TP63: variants seen among roughly 807,000 people sequenced by gnomAD.
TP63 encodes the protein tumor protein 63.
Under a neutral mutation model 82.8 loss-of-function variants are expected in TP63, and 17 were observed. The observed-to-expected ratio is 0.21, with a 90% CI of 0.14 to 0.31. TP63 has a LOEUF of 0.31. Ranked by LOEUF, TP63 falls within the 10% of genes least tolerant of loss-of-function variation. TP63 has a pLI of 1.00. For missense variants in TP63, 648 were observed against 895.3 expected (o/e 0.72, Z 3.52); for synonymous variants, 330 against 321.7 (o/e 1.03, Z -0.28).
the TP63 span, among the ~76,000 whole-genome samples, chr3:189,604,185 C>G: frequency 4.9e-4 from 74 of 152,272 alleles, no homozygotes; most frequent in Non-Finnish European, 7.1e-4. Context: ...ACTCCCACCT[C>G]GGAACCTTTA....
At chr3:189,886,636 A>T in intron 11 of TP63, 85 bp downstream of exon 11, 1 of 1,575,940 alleles carries the variant, frequency 6.3e-7, no homozygotes. Flanking sequence ...GCATGTTCTT[A>T]AGCTAAATGA....
intron 3 of TP63, among the ~76,000 whole-genome samples, chr3:189,764,232 T>C (rs1722778169): frequency 2.0e-5 from 3 of 152,206 alleles, no homozygotes; most frequent in South Asian, 4.1e-4. Context: ...ACATGCTATT[T>C]CTTGGAGTAA....
chr3:189,875,601 T>TATATATATATATATATAC (rs1718985750), intron 10 of TP63, among the ~76,000 whole-genome samples: 1 of 46,554 alleles, frequency 2.1e-5, no homozygotes, highest in African/African-American at 7.3e-5. Context: ...TACATATATA[T>TATATATATATATATATAC]ATATATATAT....
chr3:189,870,342 C>G (rs1410977235), intron 9 of TP63, among the ~76,000 whole-genome samples: 7 of 152,096 alleles, frequency 4.6e-5, no homozygotes, highest in African/African-American at 1.7e-4. Flanking sequence ...ATACACCAAT[C>G]AAAATAATAC....
intron 3 of TP63, among the ~76,000 whole-genome samples, chr3:189,762,566 G>A: frequency 1.3e-5 from 2 of 152,284 alleles, no homozygotes; most frequent in South Asian, 2.1e-4. Flanking sequence ...CATTTAAAAA[G>A]TTAAAAGGTA....
At chr3:189,855,636 T>A (rs1317835621) in intron 4 of TP63, among the ~76,000 whole-genome samples, 2 of 152,080 alleles carry the variant, frequency 1.3e-5, no homozygotes, top group Non-Finnish European at 2.9e-5. Flanking sequence ...AACATGCTCA[T>A]GATATATTAA....
chr3:189,843,877 A>G lies in TP63; in HGVS notation c.580-20355A>G, dbSNP rs1003435778. On this transcript the variant is annotated intron_variant, in intron 4 of 13. Transcript: ENST00000264731. ...CTTTGTTTCCATGATTCACTGGGCA[A>G]TATTTACTGCCCCATTATACACATG... is the stretch of plus-strand genomic sequence containing the variant. Among the ~76,000 whole-genome samples, 4 of 152,192 alleles carry G rather than the reference A, an allele frequency of 2.6e-5. No individual in the cohort carries two copies. In the South Asian group the frequency reaches 6.2e-4, roughly 24 times the overall value.
intron 4 of TP63, among the ~76,000 whole-genome samples, chr3:189,820,799 C>T (rs1237553576): frequency 2.6e-5 from 4 of 152,228 alleles, no homozygotes; most frequent in African/African-American, 7.2e-5. Context: ...ACAATCTTCA[C>T]GTCCTTGATT....
At chr3:189,704,000 G>T (rs148679586) in intron 1 of TP63, among the ~76,000 whole-genome samples, 3,987 of 152,320 alleles carry the variant, frequency 0.026, 71 homozygotes, top group Non-Finnish European at 0.041. Flanking sequence ...ACTTCAGTGT[G>T]AATTAAGGAC....
At chr3:189,892,800 A>G (rs138230390) in intron 13 of TP63, among the ~76,000 whole-genome samples, 9 of 152,344 alleles carry the variant, frequency 5.9e-5, no homozygotes, top group Non-Finnish European at 1.2e-4. Flanking sequence ...TCAAAAAATA[A>G]TAAAAAAAGC....
the TP63 span, among the ~76,000 whole-genome samples, chr3:189,601,335 C>T: frequency 2.0e-5 from 3 of 152,096 alleles, no homozygotes; most frequent in Non-Finnish European, 4.4e-5. Context: ...CCACATCTAG[C>T]GTTCAGAGAG....
At chr3:189,825,954 C>A (rs559733525) in intron 4 of TP63, among the ~76,000 whole-genome samples, 1 of 152,152 alleles carries the variant, frequency 6.6e-6, no homozygotes, top group Admixed American at 6.5e-5. Flanking sequence ...CTCTCTCTCC[C>A]CCACTTGCTT....
At chr3:189,669,406 A>C (rs1174405752) in intron 1 of TP63, among the ~76,000 whole-genome samples, 1 of 152,082 alleles carries the variant, frequency 6.6e-6, no homozygotes, top group Non-Finnish European at 1.5e-5. Flanking sequence ...CTAAAAGGAA[A>C]TTATACCAGA....
chr3:189,658,398 G>A (rs1713577975), intron 1 of TP63, among the ~76,000 whole-genome samples: 1 of 151,892 alleles, frequency 6.6e-6, no homozygotes, highest in Admixed American at 6.6e-5. Flanking sequence ...GCTGCATGTA[G>A]TACTTCCAAC....
intron 1 of TP63, among the ~76,000 whole-genome samples, chr3:189,647,965 A>G (rs1469381194): frequency 7.5e-6 from 1 of 134,080 alleles, no homozygotes; most frequent in Non-Finnish European, 1.6e-5. Context: ...TTTCGTAACT[A>G]AGATTAAAGA....
At chr3:189,788,863 C>G (rs1724836687) in intron 3 of TP63, among the ~76,000 whole-genome samples, 1 of 148,642 alleles carries the variant, frequency 6.7e-6, no homozygotes, top group Non-Finnish European at 1.5e-5. Flanking sequence ...TACCTATTCA[C>G]AAGCAAAAAT....
At position 189,894,226 on chromosome 3, in the gene TP63, C is replaced by A. The variant is rs1359541917; in HGVS notation, c.1767C>A (p.Ile589=). The change falls in exon 14 of 14, where the codon ATC becomes ATA. Residue 589 remains isoleucine, a synonymous_variant. Transcript: ENST00000264731. ...YSMDDLASLK[I]PEQFRHAIWK... ...CACAGGATCTGGCAAGTCTGAAAAT[C>A]CCTGAGCAATTTCGACATGCGATCT... 1.2e-6 allele frequency: 2 copies of A among 1,613,954 alleles called. No individual in the cohort carries two copies. The highest frequency in any genetic ancestry group is 1.1e-5 in the South Asian group (1 of 91,074).
At chr3:189,645,461 T>C (rs1712333214) in intron 1 of TP63, 2 of 262,480 alleles carry the variant, frequency 7.6e-6, no homozygotes, top group East Asian at 1.3e-4. Context: ...TATGATCTTC[T>C]TTTTTAAATT....
the TP63 span, among the ~76,000 whole-genome samples, chr3:189,612,532 G>A: frequency 1.3e-5 from 2 of 152,176 alleles, no homozygotes; most frequent in African/African-American, 4.8e-5. Context: ...ATGTCTATCA[G>A]CAGCGTGAAA....
Sources: gnomAD v4.1 joint callset for allele counts (sites outside exome capture counted in the v4.1 genomes callset) on GRCh38, gnomAD v4.1.1 for gene constraint, MANE v1.5 for transcripts, NCBI Gene and HGNC (gene_info 2026-07-23, HGNC 2026-07-21) for gene names.